Variants in KANK4 observed in about 807,000 individuals in gnomAD.
KANK4 encodes the protein KN motif and ankyrin repeat domains 4.
A neutral mutation model predicts 80.8 loss-of-function variants in KANK4; 50 were observed. The ratio of observed to expected loss-of-function variants is 0.62; its 90% CI spans 0.49 to 0.78. The LOEUF (loss-of-function observed/expected upper bound fraction) is 0.78. Ranked by LOEUF, KANK4 falls within the 30% of genes least tolerant of loss-of-function variation. The probability of loss-of-function intolerance (pLI) is 0.00; values close to 1 mark genes in which losing one functional copy is unlikely to be tolerated. For missense variants in KANK4, 1,196 were observed against 1,240.1 expected (o/e 0.96, Z 0.53); for synonymous variants, 465 against 506.9 (o/e 0.92, Z 1.11).
Position 62,271,599 on chromosome 1 carries a change from C to T in KANK4, c.1901-10G>A. The T allele has an allele frequency of 6.4e-7, 1 of 1,569,200 alleles. No individual in the cohort carries two copies. Among genetic ancestry groups the T allele is most frequent in the Non-Finnish European group, 8.8e-7 (1 of 1,139,262 alleles). On this transcript the variant is annotated splice_polypyrimidine_tract_variant and intron_variant, in intron 3 of 9. Transcript: ENST00000371153. The stretch of plus-strand genomic sequence containing the variant: ...GTCGATGGGGAGATCTCTAGGCAGA[C>T]ACAACATCACAGGTTAGAATGATCT...
At chr1:62,261,393 C>T (rs1349196068) in intron 7 of KANK4, among the ~76,000 whole-genome samples, 2 of 152,044 alleles carry the variant, frequency 1.3e-5, no homozygotes, top group African/African-American at 4.8e-5. Flanking sequence ...CTTCTGACCT[C>T]AAATGATCCA....
Position 62,242,189 on chromosome 1 carries a change from C to A in KANK4, c.2884-3808G>T, listed in dbSNP as rs531792192. 2.0e-5 allele frequency among the ~76,000 whole-genome samples: 3 copies of A among 151,868 alleles called. No homozygotes were observed. The East Asian group carries it at 5.8e-4, about 30-fold the overall frequency. On this transcript the variant is annotated intron_variant, in intron 9 of 9. Coordinates refer to ENST00000371153, the MANE Select transcript of KANK4 (RefSeq NM_181712.5). Reference sequence around the variant, plus strand: ...GGTATGGTGCAAAATTTGCGTGTAACTTCAGGGATTCAAGAATCTGCACTT... The same window carrying A: ...GGTATGGTGCAAAATTTGCGTGTAAATTCAGGGATTCAAGAATCTGCACTT...
intron 1 of KANK4, among the ~76,000 whole-genome samples, chr1:62,315,386 C>T (rs764612738): frequency 6.6e-6 from 1 of 152,188 alleles, no homozygotes; most frequent in Non-Finnish European, 1.5e-5. Flanking sequence ...CACTTAACCT[C>T]TCTGAGCCTC....
rs779711763 is a variant in KANK4 at position 62,274,358 on chromosome 1, C to T, written c.746G>A (p.Gly249Asp). The part of the protein sequence containing the change: ...VKVPNHLPLP[G>D]PPFSFQNVLV... ...CACATTCTGGAATGAGAAAGGAGGG[C>T]CTGGGAGAGGGAGGTGATTTGGAAC... The change falls in exon 3 of 10, where the codon GGC (glycine) becomes GAC (aspartate). Residue 249 changes from glycine to aspartate, a missense_variant. Physicochemically the swap from Gly to Asp is moderately conservative, Grantham distance 94 (BLOSUM62 -1). Around this residue, in one of 3 missense-constraint regions of KANK4, gnomAD observed 1,154 missense variants for 1,179.6 expected, o/e 0.98. Coordinates refer to ENST00000371153, the MANE Select transcript of KANK4 (RefSeq NM_181712.5). The T allele has an allele frequency of 6.2e-6, 10 of 1,614,150 alleles. No homozygotes were observed. The highest frequency in any genetic ancestry group is 5.0e-5 in the Admixed American group (3 of 60,012).
At chr1:62,260,020 C>G (rs1671842002) in intron 7 of KANK4, among the ~76,000 whole-genome samples, 1 of 152,152 alleles carries the variant, frequency 6.6e-6, no homozygotes, top group African/African-American at 2.4e-5. Flanking sequence ...CCTTTCCAGT[C>G]TGTAACCCTG....
intron 2 of KANK4, among the ~76,000 whole-genome samples, chr1:62,280,280 A>G (rs1672424311): frequency 6.6e-6 from 1 of 152,136 alleles, no homozygotes; most frequent in Non-Finnish European, 1.5e-5. Context: ...CATGGCTGAA[A>G]GGAGGGAGCC....
intron 7 of KANK4, among the ~76,000 whole-genome samples, chr1:62,257,617 T>C (rs1206616787): frequency 9.9e-5 from 15 of 152,134 alleles, no homozygotes. Context: ...CCTTTACAGT[T>C]TGTAATTTTT....
At position 62,271,890 on chromosome 1, in the gene KANK4, C is replaced by T. The variant is rs1672172167; in HGVS notation, c.1901-301G>A. On this transcript the variant is annotated intron_variant, in intron 3 of 9. Coordinates refer to ENST00000371153, the MANE Select transcript of KANK4 (RefSeq NM_181712.5). Reference sequence around the variant, plus strand: ...CTGGGAAATCTGAGGCCCAGACTTGCTCAGTGAATGGGAGTGTAGGAGCAG... The same window carrying T: ...CTGGGAAATCTGAGGCCCAGACTTGTTCAGTGAATGGGAGTGTAGGAGCAG... 3 of 330,636 alleles carry T rather than the reference C, an allele frequency of 9.1e-6. No individual in the cohort carries two copies. The Admixed American group carries it at 1.2e-4, about 13-fold the overall frequency. 20.5% of individuals were successfully genotyped at this position (330,636 alleles called of 1,614,324 possible).
intron 1 of KANK4, among the ~76,000 whole-genome samples, chr1:62,293,711 T>C (rs1644330477): frequency 6.6e-6 from 1 of 152,226 alleles, no homozygotes; most frequent in South Asian, 2.1e-4. Context: ...CTCCTGTGTA[T>C]GCACCCAGCC....
intron 7 of KANK4, among the ~76,000 whole-genome samples, chr1:62,260,765 T>G (rs909589181): frequency 7.9e-5 from 12 of 152,194 alleles, no homozygotes; most frequent in Admixed American, 7.2e-4. Context: ...TGGGCTGTTC[T>G]TCCCCATCAG....
chr1:62,292,025 T>TC (rs1383466667), intron 1 of KANK4, among the ~76,000 whole-genome samples: 2 of 152,286 alleles, frequency 1.3e-5, no homozygotes, highest in Admixed American at 1.3e-4. Flanking sequence ...CGTTAGCAGT[T>TC]ATTCCCTATT....
chr1:62,274,509 C>T lies in KANK4; in HGVS notation c.595G>A (p.Val199Ile), dbSNP rs1410054932. 5 of 1,614,110 alleles carry T rather than the reference C, an allele frequency of 3.1e-6. No individual in the cohort carries two copies. The African/African-American group carries it at 6.7e-5, about 22-fold the overall frequency. ...ALPPLQGEGS[V>I]CDGTFEPAEG... ...GCAGGTTCAAAGGTGCCATCACAGA[C>T]ACTGCCTTCACCCTGAAGGGGAGGG... The change falls in exon 3 of 10, where the codon GTC becomes ATC. Residue 199 changes from valine to isoleucine, a missense_variant. Val to Ile is a conservative substitution (Grantham distance 29). Transcript: ENST00000371153.
rs890895437 is a variant in KANK4, at chr1:62,237,615, T to C, written c.*662A>G. On this transcript the variant is annotated 3_prime_UTR_variant, in exon 10 of 10. Coordinates refer to ENST00000371153, the MANE Select transcript of KANK4 (RefSeq NM_181712.5). ...TTTCCCTGGAGCAAATTGGAGCCAC[T>C]AGATGACTCAGAAATAGTCAAGACT... The C allele has an allele frequency of 6.6e-6, 1 of 152,140 alleles. No individual in the cohort carries two copies. The highest frequency in any genetic ancestry group is 1.5e-5 in the Non-Finnish European group (1 of 68,030). The allele number at this position is 152,140 out of a possible 1,614,324, so 9.4% of individuals were successfully genotyped here. A position where few individuals can be genotyped will look rare whatever the true frequency, so the allele number is the denominator to read the frequency against.
chr1:62,268,180 C>A, intron 5 of KANK4, 107 bp downstream of exon 5: 1 of 882,116 alleles, frequency 1.1e-6, no homozygotes, highest in South Asian at 1.5e-5. Context: ...ACAACACTGG[C>A]AAATGGATGG....
At chr1:62,263,456 G>A in intron 6 of KANK4, 145 bp from the exon 7 acceptor site, 2 of 697,574 alleles carry the variant, frequency 2.9e-6, no homozygotes, top group Admixed American at 2.7e-5. Context: ...CTCAGAGCTG[G>A]TGGGGTTAGG....
chr1:62,242,139 G>A (rs1433360066), intron 9 of KANK4, among the ~76,000 whole-genome samples: 3 of 151,204 alleles, frequency 2.0e-5, no homozygotes, highest in Admixed American at 6.6e-5. Flanking sequence ...AGGAGACCCC[G>A]ACTGAAGAGA....
In KANK4 at chr1:62,271,517, C is replaced by A; in HGVS notation, c.1973G>T (p.Gly658Val). 2 of 1,614,016 alleles carry A rather than the reference C, an allele frequency of 1.2e-6. No individual in the cohort carries two copies. The highest frequency in any genetic ancestry group is 1.7e-6 in the Non-Finnish European group (2 of 1,179,938). Residue 658 changes from glycine (G) to valine (V), a missense_variant, in exon 4 of 10, where the codon GGG becomes GTG. Gly to Val is a moderately radical substitution (Grantham distance 109). Coordinates refer to ENST00000371153, the MANE Select transcript of KANK4 (RefSeq NM_181712.5). ...AACAAACTGAAGGTTCTTTTTGGTC[C>A]CATTACCTCCTGCACGGAAGCCATA... ...KDYGFRAGGN[G>V]TKKNLQFVGV...
At chr1:62,260,576 C>T (rs1174215441) in intron 7 of KANK4, among the ~76,000 whole-genome samples, 2 of 152,184 alleles carry the variant, frequency 1.3e-5, no homozygotes, top group Non-Finnish European at 2.9e-5. Flanking sequence ...TCGCTGCCTT[C>T]CCCAAGCCTG....
chr1:62,262,644 GAC>G (rs1375215341), intron 7 of KANK4, among the ~76,000 whole-genome samples: 4 of 152,022 alleles, frequency 2.6e-5, no homozygotes, highest in African/African-American at 4.8e-5. Context: ...TATATGCACA[GAC>G]ACACATACAT....
Sources: gnomAD v4.1 joint callset for allele counts (sites outside exome capture counted in the v4.1 genomes callset) on GRCh38, gnomAD v4.1.1 for gene constraint, gnomAD v4.1.1 regional missense constraint, MANE v1.5 for transcripts, NCBI Gene and HGNC (gene_info 2026-07-23, HGNC 2026-07-21) for gene names.